Variants in SEPSECS observed in about 807,000 individuals in gnomAD.
SEPSECS encodes the protein O-phosphoseryl-tRNA(Sec) selenium transferase.
In SEPSECS, 42 loss-of-function variants were observed where a neutral mutation model predicts 52.1. The observed-to-expected ratio is 0.81, with a 90% confidence interval of 0.63 to 1.04. The LOEUF (loss-of-function observed/expected upper bound fraction) is 1.04. SEPSECS is among the 50% of genes least tolerant of loss of function. The probability of loss-of-function intolerance (pLI) is 0.00; values close to 1 mark genes in which losing one functional copy is unlikely to be tolerated. For synonymous variants in SEPSECS, 216 were observed against 211.4 expected, an observed-to-expected ratio of 1.02 and a Z score of -0.19; for missense variants, 590 against 610.6, an observed-to-expected ratio of 0.97 and a Z score of 0.36.
intron 10 of SEPSECS, 74 bp downstream of exon 10, chr4:25,125,620 G>T: frequency 1.1e-6 from 1 of 912,198 alleles, no homozygotes; most frequent in Non-Finnish European, 1.8e-6. Flanking sequence ...GGGGACTATT[G>T]TTGAGGAAAG....
In SEPSECS at chr4:25,156,931, G is replaced by A. The variant is rs753121056; in HGVS notation, c.313C>T (p.Gln105Ter). 39 of 1,613,098 alleles carry A rather than the reference G, an allele frequency of 2.4e-5. No homozygotes were observed. The highest frequency in any genetic ancestry group is 2.6e-5 in the Non-Finnish European group (31 of 1,179,334). ...IGRSGDISAVQPKAAGSSLLN... is the reference protein window; with the variant it reads ...IGRSGDISAV ...AGGCTAGAGCCTGCAGCTTTTGGTTGCACAGCAGAAATATCACCGGATCGT... is the reference window on the plus strand; with the variant it reads ...AGGCTAGAGCCTGCAGCTTTTGGTTACACAGCAGAAATATCACCGGATCGT... Residue 105 changes from glutamine to a stop codon, truncating the protein, a stop_gained, in exon 3 of 11, where the codon CAA becomes TAA. Coordinates refer to ENST00000382103, the MANE Select transcript of SEPSECS (RefSeq NM_016955.4). LOFTEE classifies it high-confidence loss of function.
chr4:25,158,804 G>A (rs1438068585), intron 2 of SEPSECS, 149 bp downstream of exon 2: 18 of 744,774 alleles, frequency 2.4e-5, no homozygotes, highest in Non-Finnish European at 3.3e-5. Flanking sequence ...CCATCTCCCT[G>A]TTGCATTTGG....
rs956925 is a variant in SEPSECS, at chr4:25,121,237, T to A, written c.*2694A>T. The A allele has an allele frequency of 6.6e-6, 1 of 152,100 alleles. No homozygotes were observed. Among genetic ancestry groups the A allele is most frequent in the Non-Finnish European group, 1.5e-5 (1 of 67,988 alleles). The allele number at this position is 152,100 out of a possible 1,614,324, so 9.4% of individuals were successfully genotyped here. A position where few individuals can be genotyped will look rare whatever the true frequency, so the allele number is the denominator to read the frequency against. On this transcript the variant is annotated 3_prime_UTR_variant, in exon 11 of 11. Transcript: ENST00000382103. The stretch of plus-strand genomic sequence containing the variant: ...TCAGCAGAGGACCTAAGAACCAAAC[T>A]GCGAGTTTGATTTAAAATTCCCTTC...
chr4:25,145,266 T>C (rs1711891797), intron 6 of SEPSECS, 133 bp from the exon 7 acceptor site: 4 of 866,696 alleles, frequency 4.6e-6, no homozygotes, highest in Admixed American at 2.2e-5. Context: ...CATTTTACAA[T>C]ATATACATGC....
chr4:25,140,485 A>G (rs1310260840), intron 8 of SEPSECS, among the ~76,000 whole-genome samples: 1 of 152,172 alleles, frequency 6.6e-6, no homozygotes, highest in African/African-American at 2.4e-5. Flanking sequence ...AGGAGACCCA[A>G]TTGCCTAGAT....
chr4:25,131,771 G>A (rs1003786852), intron 8 of SEPSECS, among the ~76,000 whole-genome samples: 1 of 152,196 alleles, frequency 6.6e-6, no homozygotes, highest in Admixed American at 6.5e-5. Context: ...CCACTGAGCA[G>A]CCATAGTGCT....
At chr4:25,131,300 T>C (rs1359012373) in intron 8 of SEPSECS, among the ~76,000 whole-genome samples, 4 of 152,208 alleles carry the variant, frequency 2.6e-5, no homozygotes, top group Non-Finnish European at 4.4e-5. Context: ...TTTCATGTTA[T>C]AGGATAAAAT....
intron 8 of SEPSECS, among the ~76,000 whole-genome samples, chr4:25,141,309 A>G (rs1331744967): frequency 1.3e-5 from 2 of 152,128 alleles, no homozygotes; most frequent in African/African-American, 4.8e-5. Context: ...ACTGTCTTGC[A>G]ATCTCATCTA....
rs61746985 is a variant in SEPSECS at position 25,125,759 on chromosome 4, T to C, written c.1146A>G (p.Glu382=). Residue 382 remains glutamate (E), a synonymous_variant, in exon 10 of 11, where the codon GAA becomes GAG. Coordinates refer to ENST00000382103, the MANE Select transcript of SEPSECS (RefSeq NM_016955.4). The part of the protein sequence containing the change: ...SLAMTLKTLD[E]HRDKAVTQLG... ...GCTGAGTGACAGCTTTGTCACGGTGTTCATCTAGTGTTTTAAGTGTCATAG... is the reference window on the plus strand; with the variant it reads ...GCTGAGTGACAGCTTTGTCACGGTGCTCATCTAGTGTTTTAAGTGTCATAG... The C allele has an allele frequency of 2.5e-6, 4 of 1,612,714 alleles. No individual in the cohort carries two copies. The highest frequency in any genetic ancestry group is 2.7e-5 in the African/African-American group (2 of 74,892).
At chr4:25,160,160 C>G (rs1712977456) in intron 1 of SEPSECS, 96 bp downstream of exon 1, 1 of 1,529,140 alleles carries the variant, frequency 6.5e-7, no homozygotes. Context: ...TCTCAAGCAG[C>G]GAAGAGCTGC....
rs1023002702 is a variant in SEPSECS, at chr4:25,160,311, T to C, written c.59A>G (p.Gln20Arg). The C allele has an allele frequency of 6.5e-7, 1 of 1,549,422 alleles. No homozygotes were observed. Among genetic ancestry groups the C allele is most frequent in the Admixed American group, 2.0e-5 (1 of 51,084 alleles). Residue 20 changes from glutamine (Q) to arginine (R), a missense_variant, in exon 1 of 11, where the codon CAG (glutamine) becomes CGG (arginine). Gln to Arg is a conservative substitution (Grantham distance 43, BLOSUM62 1). Coordinates refer to ENST00000382103, the MANE Select transcript of SEPSECS (RefSeq NM_016955.4). Reference protein sequence around the residue: ...ERLVSPAYVRQGCEARRSHEH... With the variant: ...ERLVSPAYVRRGCEARRSHEH... ...ATGCGAGCGGCGGGCCTCACAGCCC[T>C]GCCGCACGTAAGCCGGCGACACCAG... is the stretch of plus-strand genomic sequence containing the variant.
intron 4 of SEPSECS, among the ~76,000 whole-genome samples, chr4:25,155,663 T>C (rs929665597): frequency 2.6e-5 from 4 of 152,204 alleles, no homozygotes; most frequent in Non-Finnish European, 5.9e-5. Context: ...CATAATAAAT[T>C]TCAGTAGCCT....
chr4:25,141,402 T>C (rs1298187687), intron 8 of SEPSECS, among the ~76,000 whole-genome samples: 2 of 152,174 alleles, frequency 1.3e-5, no homozygotes, highest in African/African-American at 2.4e-5. Context: ...TACTCTCTAC[T>C]TTGCAACTCT....
chr4:25,160,401 G>A lies in SEPSECS; in HGVS notation c.-32C>T. The A allele has an allele frequency of 4.0e-6, 6 of 1,518,400 alleles. No homozygotes were observed. The highest frequency in any genetic ancestry group is 4.9e-5 in the East Asian group (2 of 40,478). 94.1% of individuals were successfully genotyped at this position (1,518,400 alleles called of 1,614,324 possible). On this transcript the variant is annotated 5_prime_UTR_variant, in exon 1 of 11. Coordinates refer to ENST00000382103, the MANE Select transcript of SEPSECS (RefSeq NM_016955.4). ...GGTGGCGACAGTGGCGAATAAGCGG[G>A]AGCACTAGCTCCACACGCCAGACAC...
rs371913199 is a variant in SEPSECS at position 25,123,993 on chromosome 4, C to A, written c.1444G>T (p.Glu482Ter). Reference sequence around the variant, plus strand: ...TTATCTAGTTTTAAAGCCATTTCTTCAATATCCACATCTTCAGTTTTGTCA... The same window carrying A: ...TTATCTAGTTTTAAAGCCATTTCTTAAATATCCACATCTTCAGTTTTGTCA... ...NYDKTEDVDIEEMALKLDNVL... is the reference protein window; with the variant it reads ...NYDKTEDVDI Residue 482 changes from glutamate (E) to a stop codon, truncating the protein, a stop_gained, in exon 11 of 11, where the codon GAA (glutamate) becomes TAA (stop). Transcript: ENST00000382103. LOFTEE classifies it high-confidence loss of function. The A allele has an allele frequency of 1.2e-6, 2 of 1,613,438 alleles. No homozygotes were observed. The highest frequency in any genetic ancestry group is 1.3e-5 in the African/African-American group (1 of 74,884).
intron 9 of SEPSECS, among the ~76,000 whole-genome samples, chr4:25,126,347 C>T (rs1178885753): frequency 6.6e-6 from 1 of 151,940 alleles, no homozygotes; most frequent in African/African-American, 2.4e-5. Flanking sequence ...ATGGAAGATT[C>T]GGAATTCAAG....
rs1728262036 is a variant in SEPSECS at position 25,124,185 on chromosome 4, T to G, written c.1252A>C (p.Thr418Pro). ...GTATGTGACATAAAGCCTCTGAAAG[T>G]ATAGCCACTCACAGTTTGCATGGAC... is the stretch of plus-strand genomic sequence containing the variant. ...LGSMQTVSGY[T>P]FRGFMSHTNN... is the part of the protein sequence containing the mutation. Residue 418 changes from threonine (T) to proline (P), a missense_variant, in exon 11 of 11, where the codon ACT becomes CCT. Physicochemically the swap from Thr to Pro is conservative, Grantham distance 38 (BLOSUM62 -1). Transcript: ENST00000382103. The G allele has an allele frequency of 1.9e-5, 30 of 1,613,576 alleles. No homozygotes were observed. The highest frequency in any genetic ancestry group is 2.5e-5 in the Non-Finnish European group (29 of 1,179,682).
At chr4:25,144,091 A>G (rs1711794716) in intron 8 of SEPSECS, among the ~76,000 whole-genome samples, 1 of 152,306 alleles carries the variant, frequency 6.6e-6, no homozygotes, top group Non-Finnish European at 1.5e-5. Flanking sequence ...CTGTAATCCC[A>G]GCACTTTGGG....
At chr4:25,129,239 T>C (rs1728512732) in intron 8 of SEPSECS, among the ~76,000 whole-genome samples, 1 of 152,146 alleles carries the variant, frequency 6.6e-6, no homozygotes, top group South Asian at 2.1e-4. Context: ...CCTTTCTCTT[T>C]CGTTATTTAA....
Sources: allele counts gnomAD v4.1 joint callset (sites outside exome capture counted in the v4.1 genomes callset), GRCh38; gene constraint gnomAD v4.1.1; transcripts MANE v1.5; gene names NCBI Gene and HGNC (gene_info 2026-07-23, HGNC 2026-07-21).